Variants in DMP1 observed in about 807,000 individuals in gnomAD.
DMP1 encodes dentin matrix acidic phosphoprotein 1.
Under a neutral mutation model 14.6 loss-of-function variants are expected in DMP1, and 20 were observed. The ratio of observed to expected loss-of-function variants is 1.37; its 90% CI spans 0.96 to 1.99. The LOEUF (loss-of-function observed/expected upper bound fraction) is 1.99. Ranked by LOEUF, DMP1 falls within the 30% of genes most tolerant of loss-of-function variation. The pLI, the probability that DMP1 is intolerant of heterozygous loss-of-function variation, is 0.00. For missense variants in DMP1, 567 were observed against 620.5 expected, an observed-to-expected ratio of 0.91 and a Z score of 0.92; for synonymous variants, 197 against 215.3, an observed-to-expected ratio of 0.91 and a Z score of 0.75.
At chr4:87,653,869 T>C (rs539431608) in intron 1 of DMP1, among the ~76,000 whole-genome samples, 1 of 152,248 alleles carries the variant, frequency 6.6e-6, no homozygotes, top group East Asian at 1.9e-4. Context: ...TATAGATTAA[T>C]AGGAGAAAAG....
chr4:87,653,489 G>A (rs1278254769), intron 1 of DMP1, among the ~76,000 whole-genome samples: 13 of 141,984 alleles, frequency 9.2e-5, no homozygotes, highest in African/African-American at 2.1e-4. Flanking sequence ...GGAGTGGCAC[G>A]ATCATGGCTC....
Position 87,662,590 on chromosome 4 carries a change from C to A in DMP1, c.812C>A (p.Ser271Tyr). Reference sequence around the variant, plus strand: ...CCCAGTAGGAAAATTTTTAGGAAGTCTCGCATCTCAGAGGAAGATGACAGA... The same window carrying A: ...CCCAGTAGGAAAATTTTTAGGAAGTATCGCATCTCAGAGGAAGATGACAGA... ...EHPSRKIFRKSRISEEDDRSE... is the reference protein window; with the variant it reads ...EHPSRKIFRKYRISEEDDRSE... Residue 271 changes from serine to tyrosine, a missense_variant, in exon 6 of 6, where the codon TCT becomes TAT. Physicochemically the swap from Ser to Tyr is moderately radical, Grantham distance 144. Transcript: ENST00000339673. The A allele has an allele frequency of 6.2e-7, 1 of 1,614,080 alleles. No homozygotes were observed. Among genetic ancestry groups the A allele is most frequent in the Non-Finnish European group, 8.5e-7 (1 of 1,180,016 alleles).
chr4:87,650,473 T>C (rs754509857), intron 1 of DMP1, 89 bp downstream of exon 1: 9 of 152,232 alleles, frequency 5.9e-5, no homozygotes, highest in Non-Finnish European at 1.3e-4. Flanking sequence ...TGAGGCATTA[T>C]ACCATGTAGA....
chr4:87,655,119 T>A (rs1299004903), intron 1 of DMP1, among the ~76,000 whole-genome samples: 1 of 152,176 alleles, frequency 6.6e-6, no homozygotes, highest in Non-Finnish European at 1.5e-5. Flanking sequence ...TTATTTTCCT[T>A]TCACAGTATA....
chr4:87,662,944 C>T lies in DMP1; in HGVS notation c.1166C>T (p.Ser389Leu), dbSNP rs572239643. 6.2e-6 allele frequency: 10 copies of T among 1,614,128 alleles called. No homozygotes were observed. The African/African-American group carries it at 8.0e-5, about 13-fold the overall frequency. The change falls in exon 6 of 6, where the codon TCG becomes TTG. Residue 389 changes from serine (S) to leucine (L), a missense_variant. By Grantham distance (145) the Ser-to-Leu change is moderately radical. Transcript: ENST00000339673. ...AGTGACTCCAGCGAGGAGGACAGCT[C>T]GCACACACTCTCCCACTCAAAAAGT... is the stretch of plus-strand genomic sequence containing the variant. ...EDSDSSEEDS[S>L]HTLSHSKSES...
chr4:87,653,513 C>A (rs1454889822), intron 1 of DMP1, among the ~76,000 whole-genome samples: 1 of 147,328 alleles, frequency 6.8e-6, no homozygotes, highest in African/African-American at 2.5e-5. Flanking sequence ...GCAGCTTCAA[C>A]CTCCCTGGCT....
intron 1 of DMP1, among the ~76,000 whole-genome samples, chr4:87,653,734 C>A (rs993680908): frequency 6.6e-6 from 1 of 151,932 alleles, no homozygotes. Context: ...AAACTCTTCC[C>A]AGTTGATAGT....
In DMP1 at chr4:87,662,357, G is replaced by T. The variant is rs1299785096; in HGVS notation, c.579G>T (p.Trp193Cys). ...AAGAGAGTGAGAGTGAAGAGCACTG[G>T]GTGGGAGGTGGCAGTGATGGGGAGA... Reference protein sequence around the residue: ...STQESESEEHWVGGGSDGESS... With the variant: ...STQESESEEHCVGGGSDGESS... The change falls in exon 6 of 6, where the codon TGG becomes TGT. Residue 193 changes from tryptophan to cysteine, a missense_variant. Transcript: ENST00000339673. 1 of 1,614,110 alleles carries T rather than the reference G, an allele frequency of 6.2e-7. No individual in the cohort carries two copies. The highest frequency in any genetic ancestry group is 8.5e-7 in the Non-Finnish European group (1 of 1,180,014).
rs2627725 is a variant in DMP1 at position 87,663,927 on chromosome 4, A to G, written c.*607A>G. ...TAGGGTTTCCTCATTGGAGACCGGGAAATTCTATTCTTGGGATAAATAATA... is the reference window on the plus strand; with the variant it reads ...TAGGGTTTCCTCATTGGAGACCGGGGAATTCTATTCTTGGGATAAATAATA... On this transcript the variant is annotated 3_prime_UTR_variant, in exon 6 of 6. Transcript: ENST00000339673. 93,113 of 153,692 alleles carry G rather than the reference A, an allele frequency of 0.61. 29,768 individuals carry two copies. Among genetic ancestry groups the G allele is most frequent in the African/African-American group, 0.81 (33,747 of 41,506 alleles). 9.5% of individuals were successfully genotyped at this position (153,692 alleles called of 1,614,324 possible). A position where few individuals can be genotyped will look rare whatever the true frequency, so the allele number is the denominator to read the frequency against.
intron 1 of DMP1, among the ~76,000 whole-genome samples, chr4:87,650,918 G>A (rs1473051036): frequency 6.6e-6 from 1 of 152,086 alleles, no homozygotes; most frequent in African/African-American, 2.4e-5. Context: ...AAATAACTGA[G>A]GGTGTGATAA....
In DMP1 at chr4:87,654,002, T is replaced by C. The variant is rs780128723; in HGVS notation, c.-21-2470T>C. Reference sequence around the variant, plus strand: ...CATGGGCAGCCATGTAGAAATATGATTGGACAAAAAGGTTTTGACCTTATA... The same window carrying C: ...CATGGGCAGCCATGTAGAAATATGACTGGACAAAAAGGTTTTGACCTTATA... On this transcript the variant is annotated intron_variant, in intron 1 of 5. Coordinates refer to ENST00000339673, the MANE Select transcript of DMP1 (RefSeq NM_004407.4). Among the ~76,000 whole-genome samples, 3 of 152,338 alleles carry C rather than the reference T, an allele frequency of 2.0e-5. No individual in the cohort carries two copies. The South Asian group carries it at 6.2e-4, about 32-fold the overall frequency.
In DMP1 at chr4:87,657,036, C is replaced by T. The variant is rs761623032; in HGVS notation, c.59C>T (p.Thr20Ile). 2.6e-6 allele frequency: 4 copies of T among 1,547,472 alleles called. No individual in the cohort carries two copies. Among genetic ancestry groups the T allele is most frequent in the Non-Finnish European group, 3.6e-6 (4 of 1,119,980 alleles). Residue 20 changes from threonine to isoleucine, a missense_variant, in exon 3 of 6, where the codon ACC becomes ATC. By Grantham distance (89) the Thr-to-Ile change is moderately conservative. Transcript: ENST00000339673. ...LWGLSCALPV[T>I]RYQNNESEDS... ...CATGTGTACTAAATTTTCTAGGTAACCAGGTATCAAAATAATGAATCTGAG... is the reference window on the plus strand; with the variant it reads ...CATGTGTACTAAATTTTCTAGGTAATCAGGTATCAAAATAATGAATCTGAG...
Position 87,657,379 on chromosome 4 carries a change from A to T in DMP1, c.102+300A>T, listed in dbSNP as rs374841779. ...ATTATGACTTGAAATCTGTTTTAAC[A>T]AGAGTTATCTGGTGGGCAAGAGGTC... On this transcript the variant is annotated intron_variant, in intron 3 of 5. Transcript: ENST00000339673. 82 of 202,852 alleles carry T rather than the reference A, an allele frequency of 4.0e-4. 2 individuals are homozygous for T. The highest frequency in any genetic ancestry group is 2.5e-3 in the East Asian group (22 of 8,792). The allele number at this position is 202,852 out of a possible 1,614,324, so 12.6% of individuals were successfully genotyped here. A position where few individuals can be genotyped will look rare whatever the true frequency, so the allele number is the denominator to read the frequency against.
At position 87,663,355 on chromosome 4, in the gene DMP1, G is replaced by T. The variant is rs2627724; in HGVS notation, c.*35G>T. ...TCCTAAGAAGCAGTTGTCACATAAAGGAGTCTTAGGGACTTGAAAATGTAT... is the reference window on the plus strand; with the variant it reads ...TCCTAAGAAGCAGTTGTCACATAAATGAGTCTTAGGGACTTGAAAATGTAT... On this transcript the variant is annotated 3_prime_UTR_variant, in exon 6 of 6. Coordinates refer to ENST00000339673, the MANE Select transcript of DMP1 (RefSeq NM_004407.4). The T allele has an allele frequency of 2.0e-5, 33 of 1,613,688 alleles. No individual in the cohort carries two copies. The highest frequency in any genetic ancestry group is 2.8e-5 in the Non-Finnish European group (33 of 1,179,864).
intron 2 of DMP1, 72 bp downstream of exon 2, chr4:87,656,618 A>G (rs1477102823): frequency 1.0e-6 from 1 of 982,928 alleles, no homozygotes; most frequent in Non-Finnish European, 1.7e-6. Context: ...ATTGGCTATG[A>G]ACCAAGATGG....
intron 4 of DMP1, 74 bp from the exon 5 acceptor site, chr4:87,659,357 A>C (rs1018296629): frequency 6.3e-7 from 1 of 1,594,862 alleles, no homozygotes; most frequent in African/African-American, 1.3e-5. Flanking sequence ...GACTGGAAGC[A>C]ATTGATGTGT....
rs1433892279 is a variant in DMP1 at position 87,662,473 on chromosome 4, T to A, written c.695T>A (p.Met232Lys). Residue 232 changes from methionine to lysine, a missense_variant, in exon 6 of 6, where the codon ATG becomes AAG. Met to Lys is a moderately conservative substitution (Grantham distance 95). Transcript: ENST00000339673. Reference sequence around the variant, plus strand: ...AGGAGTGAAAGGGGAAACTCCAGAATGAACAGTGCAGGCATGAAATCAAAA... The same window carrying A: ...AGGAGTGAAAGGGGAAACTCCAGAAAGAACAGTGCAGGCATGAAATCAAAA... ...SIRSERGNSR[M>K]NSAGMKSKES... 9 of 1,613,988 alleles carry A rather than the reference T, an allele frequency of 5.6e-6. No homozygotes were observed. The highest frequency in any genetic ancestry group is 6.8e-6 in the Non-Finnish European group (8 of 1,180,028).
rs1729014876 is a variant in DMP1 at position 87,664,027 on chromosome 4, A to G, written c.*707A>G. 6.6e-6 allele frequency: 1 copy of G among 151,736 alleles called. No individual in the cohort carries two copies. Among genetic ancestry groups the G allele is most frequent in the African/African-American group, 2.4e-5 (1 of 41,178 alleles). The allele number at this position is 151,736 out of a possible 1,614,324, so 9.4% of individuals were successfully genotyped here. ...ATGGCACAGTGAGTTGTTTTGGATA[A>G]GAAAATCTTTTTCTCCCAATTAATT... On this transcript the variant is annotated 3_prime_UTR_variant, in exon 6 of 6. Transcript: ENST00000339673.
rs988580738 is a variant in DMP1, at chr4:87,663,601, G to A, written c.*281G>A. 3.7e-5 allele frequency: 18 copies of A among 480,026 alleles called. No homozygotes were observed. Among genetic ancestry groups the A allele is most frequent in the Non-Finnish European group, 5.3e-5 (14 of 263,820 alleles). 29.7% of individuals were successfully genotyped at this position (480,026 alleles called of 1,614,324 possible). On this transcript the variant is annotated 3_prime_UTR_variant, in exon 6 of 6. Transcript: ENST00000339673. ...CTGAGATAGTTCCTAATTCATCAAC[G>A]TAACAAACAAAGCTATTGGGTGTCC...
Sources: allele counts gnomAD v4.1 joint callset (sites outside exome capture counted in the v4.1 genomes callset), GRCh38; gene constraint gnomAD v4.1.1; transcripts MANE v1.5; gene names NCBI Gene and HGNC (gene_info 2026-07-23, HGNC 2026-07-21).